Variants in VBP1 observed in about 807,000 individuals in gnomAD.
VBP1 encodes VHL binding protein 1, also known as prefoldin subunit 3.
Under a neutral mutation model 15.5 loss-of-function variants are expected in VBP1, and 4 were observed. The observed-to-expected ratio is 0.26, with a 90% CI of 0.13 to 0.59. The LOEUF (loss-of-function observed/expected upper bound fraction) is 0.59. VBP1 is among the 20% of genes least tolerant of loss of function. The probability of loss-of-function intolerance (pLI) is 0.90; values close to 1 mark genes in which losing one functional copy is unlikely to be tolerated. For missense variants in VBP1, 108 were observed against 139.6 expected (o/e 0.77, Z 1.14); for synonymous variants, 61 against 52.1 (o/e 1.17, Z -0.74).
chrX:155,216,007 G>A (rs1427691226), upstream of VBP1, among the ~76,000 whole-genome samples: 1 of 111,243 alleles, frequency 9.0e-6, no homozygotes, highest in Non-Finnish European at 1.9e-5. Flanking sequence ...CAAGGGGCAG[G>A]AAGCTCCCTG....
At chrX:155,216,071 C>T (rs1282460680), upstream of VBP1, among the ~76,000 whole-genome samples, 12 of 110,398 alleles carry the variant, frequency 1.1e-4, no homozygotes, top group African/African-American at 2.3e-4. Flanking sequence ...GGCGCTAGGT[C>T]CCAGGTTCGC....
In VBP1 at chrX:155,218,616, G is replaced by A. The variant is rs1482731674; in HGVS notation, c.94-1567G>A. On this transcript the variant is annotated intron_variant, in intron 1 of 5. Transcript: ENST00000286428. The stretch of plus-strand genomic sequence containing the variant: ...TGACCTCTTCATCTTTCCACATCTA[G>A]TTCAGATATCATCTCCCTGTAGTTT... 2.7e-5 allele frequency among the ~76,000 whole-genome samples: 3 copies of A among 110,882 alleles called. No individual in the cohort carries two copies. In the East Asian group the frequency reaches 8.4e-4, roughly 31 times the overall value.
At chrX:155,231,620 A>G (rs1829081328) in intron 4 of VBP1, among the ~76,000 whole-genome samples, 1 of 112,636 alleles carries the variant, frequency 8.9e-6, no homozygotes, top group African/African-American at 3.2e-5. Flanking sequence ...GCAGCAGGCT[A>G]CTGCTCCATC....
intron 1 of VBP1, among the ~76,000 whole-genome samples, chrX:155,200,974 A>G (rs2074600912): frequency 9.0e-6 from 1 of 111,371 alleles, no homozygotes; most frequent in East Asian, 2.8e-4. Flanking sequence ...AGAGAACACT[A>G]CAAACACCTC....
rs1325585100 is a variant in VBP1, at chrX:155,226,812, T to C, written c.219-423T>C. On this transcript the variant is annotated intron_variant, in intron 2 of 5. Coordinates refer to ENST00000286428, the MANE Select transcript of VBP1 (RefSeq NM_003372.7). ...AAATTAGTTTTAAAATTAATCTATTTAAAATTTCATTCTAATCAAATGCAG... is the reference window on the plus strand; with the variant it reads ...AAATTAGTTTTAAAATTAATCTATTCAAAATTTCATTCTAATCAAATGCAG... 7.1e-5 allele frequency among the ~76,000 whole-genome samples: 8 copies of C among 111,955 alleles called. No individual in the cohort carries two copies. The Admixed American group carries it at 7.5e-4, about 11-fold the overall frequency.
intron 4 of VBP1, among the ~76,000 whole-genome samples, chrX:155,229,719 A>G (rs1457710546): frequency 9.0e-6 from 1 of 110,619 alleles, no homozygotes; most frequent in Non-Finnish European, 1.9e-5. Flanking sequence ...TTCTTCTTTC[A>G]TTCCTCTTGA....
At chrX:155,216,418 C>A, upstream of VBP1, 3 of 1,149,698 alleles carry the variant, frequency 2.6e-6, no homozygotes, top group South Asian at 6.0e-5. Context: ...CAAGTGCGAA[C>A]AAGCCAATCA....
At chrX:155,200,857 C>T (rs782280378) in intron 1 of VBP1, among the ~76,000 whole-genome samples, 12 of 109,758 alleles carry the variant, frequency 1.1e-4, no homozygotes, top group South Asian at 7.9e-4. Context: ...ATTGATAGAC[C>T]GCTAGCAAGA....
At chrX:155,203,740 C>T (rs1557307811) in intron 1 of VBP1, among the ~76,000 whole-genome samples, 1 of 109,660 alleles carries the variant, frequency 9.1e-6, no homozygotes, top group African/African-American at 3.3e-5. Flanking sequence ...GCACATGTAC[C>T]CTAAAACTTA....
intron 4 of VBP1, among the ~76,000 whole-genome samples, chrX:155,234,409 C>G (rs1057175396): frequency 2.7e-5 from 3 of 110,650 alleles, no homozygotes; most frequent in African/African-American, 9.9e-5. Context: ...TGTGAGCCAC[C>G]GCGCCTGGCC....
At chrX:155,212,374 A>T (rs1282828947), upstream of VBP1, among the ~76,000 whole-genome samples, 4 of 111,543 alleles carry the variant, frequency 3.6e-5, no homozygotes, top group African/African-American at 1.3e-4. Flanking sequence ...GGGCAGAGGG[A>T]TTTGGAGGGT....
chrX:155,202,450 G>C (rs1473854213), intron 1 of VBP1, among the ~76,000 whole-genome samples: 2 of 110,995 alleles, frequency 1.8e-5, no homozygotes, highest in Non-Finnish European at 3.8e-5. Flanking sequence ...CAGAAATAAC[G>C]CCGCATATCT....
intron 1 of VBP1, 44 bp from the exon 2 acceptor site, chrX:155,220,139 G>A: frequency 1.7e-6 from 2 of 1,148,864 alleles, no homozygotes; most frequent in Non-Finnish European, 2.3e-6. Flanking sequence ...AATCTGAGTG[G>A]CATGAATTCT....
upstream of VBP1, among the ~76,000 whole-genome samples, chrX:155,212,176 T>C (rs1184224920): frequency 8.9e-6 from 1 of 112,191 alleles, no homozygotes; most frequent in Non-Finnish European, 1.9e-5. Flanking sequence ...AAATGCACCA[T>C]CTCTCCCAAT....
At chrX:155,202,583 C>T (rs782643362) in intron 1 of VBP1, among the ~76,000 whole-genome samples, 1 of 108,472 alleles carries the variant, frequency 9.2e-6, no homozygotes, top group African/African-American at 3.4e-5. Context: ...GGATCCCTTC[C>T]TTACACCTTA....
rs2074702292 is a variant in VBP1, at chrX:155,223,695, C to G, written c.218+3388C>G. ...ACCTCCATCGTCATCATGGCCCGTT[C>G]TCAACGAGCTGTTGGGTACACCTCC... On this transcript the variant is annotated intron_variant, in intron 2 of 5. Transcript: ENST00000286428. 2.7e-5 allele frequency among the ~76,000 whole-genome samples: 3 copies of G among 112,941 alleles called. 1 individual carries two copies. Among genetic ancestry groups the G allele is most frequent in the Admixed American group, 9.3e-5 (1 of 10,803 alleles).
At chrX:155,211,883 T>C (rs11156600), upstream of VBP1, among the ~76,000 whole-genome samples, 39,828 of 110,661 alleles carry the variant, frequency 0.36, 6,256 homozygotes, top group African/African-American at 0.61. Flanking sequence ...TCTCAAACCC[T>C]TGAGTTTCTT....
At chrX:155,219,688 G>A (rs1285170723) in intron 1 of VBP1, among the ~76,000 whole-genome samples, 1 of 111,568 alleles carries the variant, frequency 9.0e-6, no homozygotes, top group Non-Finnish European at 1.9e-5. Flanking sequence ...TGCATAAAGT[G>A]GTGGGCAAGG....
intron 3 of VBP1, 39 bp downstream of exon 3, chrX:155,227,340 A>G (rs1557310350): frequency 2.0e-6 from 2 of 1,005,562 alleles, no homozygotes; most frequent in Non-Finnish European, 2.7e-6. Context: ...GCAAGCTAGG[A>G]TATGTCAGCA....
Sources: allele counts gnomAD v4.1 joint callset (sites outside exome capture counted in the v4.1 genomes callset), GRCh38; gene constraint gnomAD v4.1.1; transcripts MANE v1.5; gene names NCBI Gene and HGNC (gene_info 2026-07-23, HGNC 2026-07-21).